GRM1: variants seen among roughly 807,000 people sequenced by gnomAD.
The protein encoded by GRM1 is metabotropic glutamate receptor 1.
Under a neutral mutation model 90.9 loss-of-function variants are expected in GRM1, and 33 were observed. The observed-to-expected ratio is 0.36, with a 90% CI of 0.28 to 0.49. The LOEUF (loss-of-function observed/expected upper bound fraction) is 0.49. GRM1 is among the 20% of genes least tolerant of loss of function. GRM1 has a pLI of 0.99. For synonymous variants in GRM1, 700 were observed against 613.2 expected (o/e 1.14, Z -2.09); for missense variants, 1,190 against 1,534.3 (o/e 0.78, Z 3.75).
chr6:146,034,309 T>A (rs1156896971), intron 1 of GRM1, among the ~76,000 whole-genome samples: 3 of 152,006 alleles, frequency 2.0e-5, no homozygotes, highest in Non-Finnish European at 2.9e-5. Flanking sequence ...CAATGAATAA[T>A]CTCTCTTTTG....
Position 146,136,078 on chromosome 6 carries a change from C to T in GRM1, c.701-23270C>T, listed in dbSNP as rs186917495. Reference sequence around the variant, plus strand: ...TTATTTCACTTAAGATAATGACCTCCAGTTCCATTCATGTTGTTGGAAATG... The same window carrying T: ...TTATTTCACTTAAGATAATGACCTCTAGTTCCATTCATGTTGTTGGAAATG... On this transcript the variant is annotated intron_variant, in intron 1 of 7. Transcript: ENST00000282753. Among the ~76,000 whole-genome samples the T allele has an allele frequency of 2.0e-5, 3 of 152,286 alleles. No individual in the cohort carries two copies. The East Asian group carries it at 5.8e-4, about 29-fold the overall frequency.
At chr6:146,421,205 T>G (rs551770219) in intron 7 of GRM1, among the ~76,000 whole-genome samples, 118 of 152,256 alleles carry the variant, frequency 7.8e-4, no homozygotes, top group Non-Finnish European at 1.2e-3. Context: ...AATCTCCCAT[T>G]AACAATGTTT....
At chr6:146,177,187 C>CT (rs1316679187) in intron 2 of GRM1, among the ~76,000 whole-genome samples, 2 of 152,072 alleles carry the variant, frequency 1.3e-5, no homozygotes, top group African/African-American at 4.8e-5. Context: ...TCCTTTATGT[C>CT]TGACCTTTAG....
At chr6:146,041,859 G>A (rs758117889) in intron 1 of GRM1, among the ~76,000 whole-genome samples, 1 of 151,936 alleles carries the variant, frequency 6.6e-6, no homozygotes, top group Non-Finnish European at 1.5e-5. Flanking sequence ...AGACGGAGTA[G>A]CTTATAAATA....
chr6:146,094,266 G>T (rs1187246307), intron 1 of GRM1, among the ~76,000 whole-genome samples: 2 of 152,054 alleles, frequency 1.3e-5, no homozygotes, highest in Non-Finnish European at 2.9e-5. Flanking sequence ...TGAGTGCTTG[G>T]AATGGTAAAT....
chr6:146,166,209 C>G (rs746513273), intron 2 of GRM1, among the ~76,000 whole-genome samples: 1 of 152,076 alleles, frequency 6.6e-6, no homozygotes, highest in Non-Finnish European at 1.5e-5. Flanking sequence ...AAAATAGATT[C>G]CCTGATCTCA....
chr6:146,062,267 C>A (rs945788374), intron 1 of GRM1, among the ~76,000 whole-genome samples: 2 of 151,952 alleles, frequency 1.3e-5, no homozygotes, highest in African/African-American at 2.4e-5. Flanking sequence ...AATGCATGTT[C>A]TCACTCATAA....
At chr6:146,203,044 A>C (rs1025968219) in intron 2 of GRM1, among the ~76,000 whole-genome samples, 1 of 151,814 alleles carries the variant, frequency 6.6e-6, no homozygotes, top group Admixed American at 6.6e-5. Flanking sequence ...AATACAAAAA[A>C]TTAGCCGGGC....
At chr6:146,207,952 T>A (rs1421102767) in intron 2 of GRM1, among the ~76,000 whole-genome samples, 8 of 152,324 alleles carry the variant, frequency 5.3e-5, no homozygotes, top group Non-Finnish European at 1.0e-4. Context: ...CATTTTTATC[T>A]AATCAGCTTC....
chr6:146,065,363 T>C (rs144414500), intron 1 of GRM1, among the ~76,000 whole-genome samples: 89 of 152,276 alleles, frequency 5.8e-4, no homozygotes, highest in African/African-American at 2.0e-3. Context: ...ATGAGCAGTT[T>C]CTGAACGCAG....
chr6:146,353,404 G>A (rs1191228425), intron 4 of GRM1, among the ~76,000 whole-genome samples: 2 of 152,154 alleles, frequency 1.3e-5, no homozygotes, highest in Non-Finnish European at 2.9e-5. Flanking sequence ...AAAAGCATAT[G>A]CTGTGTTCAA....
chr6:146,131,809 A>G (rs1583046992), intron 1 of GRM1, among the ~76,000 whole-genome samples: 2 of 152,228 alleles, frequency 1.3e-5, no homozygotes, highest in Non-Finnish European at 2.9e-5. Context: ...CCACACATCC[A>G]TGGTTATATA....
chr6:146,403,713 G>A (rs895046370), intron 7 of GRM1, among the ~76,000 whole-genome samples: 1 of 152,094 alleles, frequency 6.6e-6, no homozygotes, highest in Non-Finnish European at 1.5e-5. Flanking sequence ...GAAAAGAAAT[G>A]TATTAGTGAG....
intron 6 of GRM1, among the ~76,000 whole-genome samples, chr6:146,389,839 T>C (rs926647334): frequency 6.6e-6 from 1 of 152,070 alleles, no homozygotes; most frequent in South Asian, 2.1e-4. Flanking sequence ...GTCTTAATGA[T>C]CCATATTGAT....
intron 3 of GRM1, among the ~76,000 whole-genome samples, chr6:146,308,739 A>G (rs1033760334): frequency 2.0e-5 from 3 of 152,152 alleles, no homozygotes; most frequent in Non-Finnish European, 4.4e-5. Flanking sequence ...GCTCTTATCT[A>G]AACATCATTA....
chr6:146,081,689 T>C (rs1776368733), intron 1 of GRM1, among the ~76,000 whole-genome samples: 1 of 152,196 alleles, frequency 6.6e-6, no homozygotes, highest in Admixed American at 6.5e-5. Flanking sequence ...TGCCTTTCTT[T>C]ATTATTTAAT....
At chr6:146,212,533 G>T (rs530748986) in intron 2 of GRM1, among the ~76,000 whole-genome samples, 1 of 152,276 alleles carries the variant, frequency 6.6e-6, no homozygotes, top group South Asian at 2.1e-4. Flanking sequence ...GCACATAGCT[G>T]CTATTTGGAG....
intron 2 of GRM1, among the ~76,000 whole-genome samples, chr6:146,278,452 GT>G (rs1782450499): frequency 6.6e-6 from 1 of 152,152 alleles, no homozygotes; most frequent in Admixed American, 6.6e-5. Context: ...GCCTCTGGTA[GT>G]AGAGAGAGTA....
chr6:146,423,847 C>T (rs1778097900), intron 7 of GRM1, among the ~76,000 whole-genome samples: 1 of 152,076 alleles, frequency 6.6e-6, no homozygotes, highest in South Asian at 2.1e-4. Context: ...ACACGGAGCT[C>T]CTGATTCAAA....
Sources: gnomAD v4.1 joint callset for allele counts (sites outside exome capture counted in the v4.1 genomes callset) on GRCh38, gnomAD v4.1.1 for gene constraint, MANE v1.5 for transcripts, NCBI Gene and HGNC (gene_info 2026-07-23, HGNC 2026-07-21) for gene names.